Variants in MTCL1 observed in about 807,000 individuals in gnomAD.
MTCL1 encodes microtubule crosslinking factor 1, also known as microtubule cross-linking factor 1.
A neutral mutation model predicts 141.4 loss-of-function variants in MTCL1; 79 were observed. The ratio of observed to expected loss-of-function variants is 0.56; its 90% confidence interval spans 0.47 to 0.67. MTCL1 has a LOEUF of 0.67. MTCL1 is among the 30% of genes least tolerant of loss of function. MTCL1 has a pLI of 0.00. For missense variants in MTCL1, 2,177 were observed against 2,113.9 expected, an observed-to-expected ratio of 1.03 and a Z score of -0.59; for synonymous variants, 914 against 875.8, an observed-to-expected ratio of 1.04 and a Z score of -0.77.
exon 17 of MTCL1, chr18:8,832,428 A>G (rs1269040663): frequency 6.4e-6 from 1 of 155,104 alleles, no homozygotes; most frequent in Non-Finnish European, 1.4e-5. Flanking sequence ...AATTCACTGT[A>G]TGATCCTTAT....
chr18:8,804,891 T>G (rs2076240708), intron 10 of MTCL1, among the ~76,000 whole-genome samples: 1 of 150,654 alleles, frequency 6.6e-6, no homozygotes, highest in African/African-American at 2.5e-5. Flanking sequence ...CTTGGGAGTG[T>G]GAGGTGGGAG....
intron 6 of MTCL1, 122 bp downstream of exon 5, chr18:8,784,965 T>C: frequency 2.5e-6 from 2 of 814,026 alleles, no homozygotes; most frequent in East Asian, 3.1e-5. Flanking sequence ...ACCTGCATTG[T>C]ACTAAAGCCT....
exon 1 of MTCL1, chr18:8,706,318 C>G (rs1441508291): frequency 1.6e-6 from 2 of 1,230,334 alleles, no homozygotes; most frequent in African/African-American, 3.1e-5. Flanking sequence ...CTCCGAACCC[C>G]TGTCCGACGA....
At chr18:8,747,526 GTC>G (rs2096345765) in intron 4 of MTCL1, among the ~76,000 whole-genome samples, 1 of 152,216 alleles carries the variant, frequency 6.6e-6, no homozygotes, top group African/African-American at 2.4e-5. Flanking sequence ...GTGTGTCTGA[GTC>G]TCAGCTGCCT....
At chr18:8,717,838 G>T in intron 1 of MTCL1, 1 of 944,866 alleles carries the variant, frequency 1.1e-6, no homozygotes, top group Non-Finnish European at 1.3e-6. Context: ...AGTCAGAATA[G>T]GTGAATGGGA....
intron 4 of MTCL1, among the ~76,000 whole-genome samples, chr18:8,739,564 G>A (rs905195391): frequency 6.6e-6 from 1 of 152,126 alleles, no homozygotes; most frequent in African/African-American, 2.4e-5. Context: ...ATTCAGAGAG[G>A]TCAGAGTAAT....
intron 4 of MTCL1, among the ~76,000 whole-genome samples, chr18:8,750,342 G>A (rs1260581531): frequency 6.6e-6 from 1 of 152,218 alleles, no homozygotes; most frequent in Non-Finnish European, 1.5e-5. Context: ...CTCTGTGCCC[G>A]GCCAGTAATG....
intron 4 of MTCL1, among the ~76,000 whole-genome samples, chr18:8,768,127 T>G (rs2096467738): frequency 6.6e-6 from 1 of 152,234 alleles, no homozygotes; most frequent in Admixed American, 6.5e-5. Context: ...GCAAAAAGAG[T>G]TCTGTAGTGA....
chr18:8,791,316 G>A (rs893028018), intron 7 of MTCL1, among the ~76,000 whole-genome samples: 4 of 152,054 alleles, frequency 2.6e-5, no homozygotes, highest in African/African-American at 7.2e-5. Flanking sequence ...CCCAAGGTCA[G>A]GCTTTGAATT....
At chr18:8,786,006 T>C in exon 7 of MTCL1, 1 of 1,606,552 alleles carries the variant, frequency 6.2e-7, no homozygotes, top group Non-Finnish European at 8.5e-7. Flanking sequence ...AGCCTGCGCC[T>C]CCGAGCCGCG....
At chr18:8,712,720 C>G (rs912228895), upstream of MTCL1, among the ~76,000 whole-genome samples, 1 of 152,180 alleles carries the variant, frequency 6.6e-6, no homozygotes, top group African/African-American at 2.4e-5. Flanking sequence ...GTGGGAGTCG[C>G]CCTGCACCTC....
chr18:8,807,131 C>T (rs974573161), intron 11 of MTCL1, 71 bp downstream of exon 10: 6 of 1,462,176 alleles, frequency 4.1e-6, no homozygotes, highest in Non-Finnish European at 3.7e-6. Context: ...GGCGGGGGAG[C>T]GGGCACAGAG....
intron 4 of MTCL1, among the ~76,000 whole-genome samples, chr18:8,726,304 T>TTTTTTTA (rs2096211185): frequency 8.2e-6 from 1 of 121,312 alleles, no homozygotes; most frequent in Non-Finnish European, 1.7e-5. Flanking sequence ...TTTTTTTTTT[T>TTTTTTTA]TTGTCTTAAA....
chr18:8,824,846 C>T (rs1245712911), exon 15 of MTCL1: 9 of 1,614,092 alleles, frequency 5.6e-6, no homozygotes, highest in Non-Finnish European at 7.6e-6. Flanking sequence ...TCGAGGAGTT[C>T]AACAAGAGCT....
chr18:8,706,701 C>A (rs751118859), exon 1 of MTCL1: 1 of 1,545,972 alleles, frequency 6.5e-7, no homozygotes, highest in Admixed American at 2.0e-5. Flanking sequence ...GCTCGGAGAA[C>A]GACTATCTCA....
intron 4 of MTCL1, among the ~76,000 whole-genome samples, chr18:8,764,318 C>T (rs572023266): frequency 6.6e-6 from 1 of 151,132 alleles, no homozygotes; most frequent in East Asian, 1.9e-4. Context: ...GTACTATTCT[C>T]ACTTTTTTTT....
At chr18:8,765,411 T>C (rs189633047) in intron 4 of MTCL1, among the ~76,000 whole-genome samples, 1 of 152,346 alleles carries the variant, frequency 6.6e-6, no homozygotes, top group Non-Finnish European at 1.5e-5. Flanking sequence ...GTCCCTGCAC[T>C]GTTGGTGGCC....
intron 9 of MTCL1, among the ~76,000 whole-genome samples, chr18:8,797,377 A>G (rs760323293): frequency 2.2e-4 from 33 of 152,208 alleles, no homozygotes; most frequent in Non-Finnish European, 4.1e-4. Context: ...TTTATAATAG[A>G]AACAGAAGCG....
At chr18:8,722,279 G>A (rs1480581271) in intron 4 of MTCL1, among the ~76,000 whole-genome samples, 1 of 152,144 alleles carries the variant, frequency 6.6e-6, no homozygotes, top group Non-Finnish European at 1.5e-5. Context: ...CTCCTGTGCA[G>A]TTGAAAATCT....
Sources: gnomAD v4.1 joint callset for allele counts (sites outside exome capture counted in the v4.1 genomes callset) on GRCh38, gnomAD v4.1.1 for gene constraint, MANE v1.5 for transcripts, NCBI Gene and HGNC (gene_info 2026-07-23, HGNC 2026-07-21) for gene names.